UNC13C: variants seen among roughly 807,000 people sequenced by gnomAD.
The protein encoded by UNC13C is protein unc-13 homolog C.
A neutral mutation model predicts 245.4 loss-of-function variants in UNC13C; 174 were observed. The ratio of observed to expected loss-of-function variants is 0.71; its 90% CI spans 0.63 to 0.80. The LOEUF is 0.80. UNC13C is among the 30% of genes least tolerant of loss of function. UNC13C has a pLI of 0.00. For synonymous variants in UNC13C, 992 were observed against 895.1 expected, an observed-to-expected ratio of 1.11 and a Z score of -1.93; for missense variants, 2,829 against 2,602.9, an observed-to-expected ratio of 1.09 and a Z score of -1.89.
rs1897593016 is a variant in UNC13C, at chr15:54,568,010, G to T, written c.6106+63G>T. 6 of 1,254,928 alleles carry T rather than the reference G, an allele frequency of 4.8e-6. No homozygotes were observed. The South Asian group carries it at 6.5e-5, about 14-fold the overall frequency. The allele number at this position is 1,254,928 out of a possible 1,614,324, so 77.7% of individuals were successfully genotyped here. ...AATACTAAAATAAAATTTAACATCAGAATTATTATACATAGTCCCAATAAT... is the reference window on the plus strand; with the variant it reads ...AATACTAAAATAAAATTTAACATCATAATTATTATACATAGTCCCAATAAT... On this transcript the variant is annotated intron_variant, in intron 30 of 32. Transcript: ENST00000260323.
At chr15:54,182,451 G>A (rs1399081834) in intron 4 of UNC13C, among the ~76,000 whole-genome samples, 4 of 151,890 alleles carry the variant, frequency 2.6e-5, no homozygotes, top group Non-Finnish European at 5.9e-5. Flanking sequence ...TTTTGTTGAG[G>A]GATATTGGTC....
the UNC13C span, among the ~76,000 whole-genome samples, chr15:53,959,907 G>A: frequency 0.01 from 1,574 of 152,202 alleles, 34 homozygotes; most frequent in African/African-American, 0.037. Flanking sequence ...TTTACAAATC[G>A]CATTTTAGAA....
intron 2 of UNC13C, among the ~76,000 whole-genome samples, chr15:54,056,035 CA>C (rs200743762): frequency 2.6e-5 from 4 of 151,892 alleles, no homozygotes; most frequent in Non-Finnish European, 5.9e-5. Context: ...TGAGTACAAG[CA>C]AAAAAATGTC....
intron 30 of UNC13C, among the ~76,000 whole-genome samples, chr15:54,600,063 T>C (rs1899325049): frequency 1.3e-5 from 2 of 152,100 alleles, no homozygotes; most frequent in South Asian, 4.1e-4. Flanking sequence ...TATTAACCTC[T>C]TATATGACCA....
intron 2 of UNC13C, among the ~76,000 whole-genome samples, chr15:54,135,399 A>C (rs1318167454): frequency 2.6e-5 from 4 of 152,184 alleles, no homozygotes; most frequent in African/African-American, 7.2e-5. Flanking sequence ...GCCAATGGTA[A>C]ATTTTCCTTA....
At chr15:54,049,068 A>G (rs1328706200) in intron 2 of UNC13C, 5 of 381,478 alleles carry the variant, frequency 1.3e-5, no homozygotes, top group African/African-American at 2.1e-5. Flanking sequence ...ATTTTTATCA[A>G]TGAAAGTGAC....
At chr15:54,288,219 G>C (rs568192492) in intron 10 of UNC13C, among the ~76,000 whole-genome samples, 111 of 152,094 alleles carry the variant, frequency 7.3e-4, no homozygotes, top group Admixed American at 1.4e-3. Flanking sequence ...AGTAGTTTCT[G>C]GGTTAGTCAA....
chr15:54,228,358 C>T (rs780444395), intron 4 of UNC13C, among the ~76,000 whole-genome samples: 1 of 152,074 alleles, frequency 6.6e-6, no homozygotes, highest in Non-Finnish European at 1.5e-5. Context: ...TGTGGCCAAG[C>T]TGGTACCTAA....
chr15:54,475,268 G>A lies in UNC13C; in HGVS notation c.4934-19340G>A, dbSNP rs180896047. On this transcript the variant is annotated intron_variant, in intron 19 of 32. Transcript: ENST00000260323. ...TTTATTTTTGTGTATAGTGAGAGGG[G>A]TATGGTTTTTTGTTTATTATTATTA... 1.1e-4 allele frequency among the ~76,000 whole-genome samples: 16 copies of A among 147,486 alleles called. No homozygotes were observed. In the East Asian group the frequency reaches 1.2e-3, roughly 11 times the overall value.
chr15:53,839,557 C>T, the UNC13C span, among the ~76,000 whole-genome samples: 1 of 152,030 alleles, frequency 6.6e-6, no homozygotes, highest in Admixed American at 6.6e-5. Flanking sequence ...CCTTTCAATA[C>T]CTTTATATTT....
intron 13 of UNC13C, among the ~76,000 whole-genome samples, chr15:54,316,433 T>C (rs760936449): frequency 1.1e-4 from 16 of 151,950 alleles, no homozygotes; most frequent in Admixed American, 2.6e-4. Context: ...TAGTCATTCA[T>C]TGACTGTTAG....
intron 19 of UNC13C, among the ~76,000 whole-genome samples, chr15:54,461,931 T>C (rs1485487808): frequency 6.6e-6 from 1 of 152,166 alleles, no homozygotes; most frequent in Non-Finnish European, 1.5e-5. Flanking sequence ...GCAAAGATAG[T>C]GAAATGCAGA....
At chr15:53,854,122 G>GTTTTTTTGCTT in the UNC13C span, among the ~76,000 whole-genome samples, 1 of 133,578 alleles carries the variant, frequency 7.5e-6, no homozygotes, top group African/African-American at 2.8e-5. Flanking sequence ...GTTTTTATAG[G>GTTTTTTTGCTT]TTTTTTTTTT....
chr15:54,575,390 T>C (rs1158924273), intron 30 of UNC13C, among the ~76,000 whole-genome samples: 1 of 152,214 alleles, frequency 6.6e-6, no homozygotes, highest in Non-Finnish European at 1.5e-5. Context: ...CATAGTTATT[T>C]GGGATCATAC....
At chr15:54,072,963 T>C (rs2141101066) in intron 2 of UNC13C, among the ~76,000 whole-genome samples, 1 of 152,192 alleles carries the variant, frequency 6.6e-6, no homozygotes, top group Middle Eastern at 3.4e-3. Context: ...ACACGTGCCA[T>C]GGTGGTTTGC....
At chr15:53,890,552 G>A in the UNC13C span, among the ~76,000 whole-genome samples, 27,915 of 152,076 alleles carry the variant, frequency 0.18, 2,874 homozygotes, top group East Asian at 0.29. Context: ...ACTTGTTATT[G>A]GTCTATTCAG....
chr15:54,559,112 G>A (rs1429316368), intron 29 of UNC13C, among the ~76,000 whole-genome samples: 1 of 151,918 alleles, frequency 6.6e-6, no homozygotes, highest in African/African-American at 2.4e-5. Context: ...GCAATACTGA[G>A]GTTTCTCCAA....
the UNC13C span, among the ~76,000 whole-genome samples, chr15:53,927,717 A>T: frequency 3.3e-5 from 5 of 152,138 alleles, no homozygotes; most frequent in Non-Finnish European, 4.4e-5. Flanking sequence ...AGTTGTGGGT[A>T]TGTGTGTGAT....
intron 10 of UNC13C, among the ~76,000 whole-genome samples, chr15:54,292,112 G>A (rs1017408871): frequency 2.0e-5 from 3 of 151,994 alleles, no homozygotes; most frequent in Non-Finnish European, 2.9e-5. Context: ...AAATGGAAAG[G>A]AAGCCTTGGT....
Sources: allele counts gnomAD v4.1 joint callset (sites outside exome capture counted in the v4.1 genomes callset), GRCh38; gene constraint gnomAD v4.1.1; transcripts MANE v1.5; gene names NCBI Gene and HGNC (gene_info 2026-07-23, HGNC 2026-07-21).